Variants in SLC7A9 observed in about 807,000 individuals in gnomAD.
SLC7A9 encodes solute carrier family 7 member 9, also known as B(0,+)-type amino acid transporter 1.
SLC7A9 carries 38 observed loss-of-function variants against 54.1 expected under a neutral mutation model. The observed-to-expected ratio is 0.70, with a 90% CI of 0.54 to 0.92. The LOEUF (loss-of-function observed/expected upper bound fraction) is 0.92, where lower values mean the gene tolerates loss of function less well. Among genes scored for constraint, SLC7A9 ranks in the 40% least tolerant of loss-of-function variants. The pLI, the probability that SLC7A9 is intolerant of heterozygous loss-of-function variation, is 0.00. For synonymous variants in SLC7A9, 264 were observed against 258.9 expected, an observed-to-expected ratio of 1.02 and a Z score of -0.19; for missense variants, 537 against 636.1, an observed-to-expected ratio of 0.84 and a Z score of 1.68.
chr19:32,859,994 G>C (rs376288769), intron 7 of SLC7A9, 30 bp from the exon 8 acceptor site: 186 of 1,614,012 alleles, frequency 1.2e-4, no homozygotes, highest in Middle Eastern at 3.3e-4. Flanking sequence ...GGAGACCCAC[G>C]TTCAGACCAC....
chr19:32,864,072 C>G, intron 4 of SLC7A9, 24 bp downstream of exon 4: 1 of 1,613,656 alleles, frequency 6.2e-7, no homozygotes, highest in Non-Finnish European at 8.5e-7. Flanking sequence ...TTTTCTGACC[C>G]CTGCCCTGGG....
chr19:32,860,078 C>G (rs765202685), intron 7 of SLC7A9, 114 bp from the exon 8 acceptor site: 1 of 1,589,380 alleles, frequency 6.3e-7, no homozygotes, highest in African/African-American at 1.3e-5. Flanking sequence ...AGAGGCCCAG[C>G]AGGAACATAA....
At position 32,858,768 on chromosome 19, in the gene SLC7A9, C is replaced by CTTTATTTATTTATTTATTTATTATTTA. The variant is rs1555784558; in HGVS notation, c.874-226_874-225insTAAATAATAAATAAATAAATAAATAAA. ...TTATCTACTACTCCCTGGCATAAAT[C>CTTTATTTATTTATTTATTTATTATTTA]TTTATTTATTTATTTATTTATTTAT... is the stretch of plus-strand genomic sequence containing the variant. On this transcript the variant is annotated intron_variant, in intron 8 of 12. Coordinates refer to ENST00000023064, the MANE Select transcript of SLC7A9 (RefSeq NM_014270.5). 8.7e-4 allele frequency among the ~76,000 whole-genome samples: 130 copies of CTTTATTTATTTATTTATTTATTATTTA among 148,630 alleles called. 1 individual carries two copies. Among genetic ancestry groups the CTTTATTTATTTATTTATTTATTATTTA allele is most frequent in the African/African-American group, 3.0e-3 (120 of 40,406 alleles).
chr19:32,847,933 G>C (rs148574986), intron 9 of SLC7A9, among the ~76,000 whole-genome samples: 1 of 152,008 alleles, frequency 6.6e-6, no homozygotes, highest in South Asian at 2.1e-4. Context: ...ACCCACCCAA[G>C]CTAAGCTTCA....
intron 11 of SLC7A9, among the ~76,000 whole-genome samples, chr19:32,838,567 T>C (rs987921886): frequency 7.4e-5 from 11 of 148,206 alleles, no homozygotes; most frequent in Non-Finnish European, 1.2e-4. Flanking sequence ...ATTATGTATA[T>C]ATACATATCA....
chr19:32,855,552 A>T (rs78334621), intron 9 of SLC7A9, among the ~76,000 whole-genome samples: 1 of 152,078 alleles, frequency 6.6e-6, no homozygotes, highest in Non-Finnish European at 1.5e-5. Context: ...ACAAAAAAAA[A>T]TTAGCCGGGC....
At chr19:32,841,283 A>G (rs541447714) in intron 11 of SLC7A9, among the ~76,000 whole-genome samples, 6 of 152,316 alleles carry the variant, frequency 3.9e-5, no homozygotes, top group Non-Finnish European at 8.8e-5. Context: ...CATAACAACA[A>G]TAAAATTCTA....
chr19:32,842,699 G>A (rs980402426), intron 10 of SLC7A9, among the ~76,000 whole-genome samples: 15 of 151,734 alleles, frequency 9.9e-5, no homozygotes, highest in East Asian at 9.7e-4. Context: ...TGCAACCTCC[G>A]CCTCCCAAGT....
At chr19:32,834,206 C>T (rs143939628) in intron 11 of SLC7A9, among the ~76,000 whole-genome samples, 29 of 152,318 alleles carry the variant, frequency 1.9e-4, no homozygotes, top group Admixed American at 1.7e-3. Flanking sequence ...CTTCAAAAGC[C>T]TCTTTGTTTT....
intron 4 of SLC7A9, chr19:32,863,015 C>T (rs1968852490): frequency 6.5e-6 from 1 of 154,086 alleles, no homozygotes; most frequent in Non-Finnish European, 1.4e-5. Context: ...GGACACTGGC[C>T]TAGCCAGCCA....
At position 32,830,611 on chromosome 19, in the gene SLC7A9, C is replaced by T. The variant is rs200347500; in HGVS notation, c.*9G>A. The T allele has an allele frequency of 4.9e-4, 792 of 1,608,592 alleles. 6 individuals carry two copies. Among genetic ancestry groups the T allele is most frequent in the African/African-American group, 8.4e-4 (63 of 74,920 alleles). Reference sequence around the variant, plus strand: ...ATTCAGCTGACTTGGCTACAAGAGACGGAGCTTGTTACTCAGGGTCTTCCT... The same window carrying T: ...ATTCAGCTGACTTGGCTACAAGAGATGGAGCTTGTTACTCAGGGTCTTCCT... On this transcript the variant is annotated 3_prime_UTR_variant, in exon 13 of 13. Coordinates refer to ENST00000023064, the MANE Select transcript of SLC7A9 (RefSeq NM_014270.5).
intron 8 of SLC7A9, among the ~76,000 whole-genome samples, chr19:32,859,067 A>T (rs1307421980): frequency 6.6e-6 from 1 of 151,542 alleles, no homozygotes; most frequent in Admixed American, 6.6e-5. Context: ...GATTACAGGC[A>T]TGAGCCACCA....
chr19:32,864,825 C>T, intron 2 of SLC7A9, 49 bp from the exon 3 acceptor site: 1 of 1,612,774 alleles, frequency 6.2e-7, no homozygotes, highest in Non-Finnish European at 8.5e-7. Context: ...CCGGACCCAG[C>T]CCAGAAGGCC....
At chr19:32,830,741 C>G in intron 12 of SLC7A9, 57 bp from the exon 13 acceptor site, 1 of 1,401,892 alleles carries the variant, frequency 7.1e-7, no homozygotes, top group Non-Finnish European at 1.0e-6. Context: ...GAAAGTTTCA[C>G]TGGAGTTGTT....
At chr19:32,860,739 G>T in intron 6 of SLC7A9, 89 bp from the exon 7 acceptor site, 2 of 1,540,124 alleles carry the variant, frequency 1.3e-6, no homozygotes, top group Non-Finnish European at 8.9e-7. Flanking sequence ...CCTCATTTAA[G>T]ATTCTCTACC....
intron 9 of SLC7A9, among the ~76,000 whole-genome samples, chr19:32,853,790 G>A (rs1466682775): frequency 3.3e-5 from 5 of 151,948 alleles, no homozygotes; most frequent in Non-Finnish European, 5.9e-5. Context: ...GATGGTATAT[G>A]CCTGTAATCC....
chr19:32,841,007 C>T (rs929816), intron 11 of SLC7A9, among the ~76,000 whole-genome samples: 61,346 of 151,936 alleles, frequency 0.4, 12,855 homozygotes, highest in African/African-American at 0.53. Flanking sequence ...TCTATGCTAC[C>T]GTCATAATTT....
intron 8 of SLC7A9, among the ~76,000 whole-genome samples, chr19:32,858,766 ATCTT>A (rs1968704170): frequency 1.0e-5 from 1 of 95,682 alleles, no homozygotes; most frequent in African/African-American, 3.7e-5. Flanking sequence ...CCTGGCATAA[ATCTT>A]TATTTATTTA....
intron 11 of SLC7A9, among the ~76,000 whole-genome samples, chr19:32,840,551 ATGGCCTCTCTG>A (rs149922059): frequency 0.01 from 1,535 of 151,734 alleles, 26 homozygotes; most frequent in African/African-American, 0.036. Flanking sequence ...CTAATGGGAC[ATGGCCTCTCTG>A]TGGAGCCCCT....
Sources: gnomAD v4.1 joint callset for allele counts (sites outside exome capture counted in the v4.1 genomes callset) on GRCh38, gnomAD v4.1.1 for gene constraint, MANE v1.5 for transcripts, NCBI Gene and HGNC (gene_info 2026-07-23, HGNC 2026-07-21) for gene names.